DDC: variants seen among roughly 807,000 people sequenced by gnomAD.
DDC encodes the protein dopa decarboxylase, also known as aromatic-L-amino-acid decarboxylase.
Under a neutral mutation model 60.0 loss-of-function variants are expected in DDC, and 43 were observed. The observed-to-expected ratio is 0.72, with a 90% CI of 0.56 to 0.92. The LOEUF (loss-of-function observed/expected upper bound fraction) is 0.92, where lower values mean the gene tolerates loss of function less well. Ranked by LOEUF, DDC falls within the 40% of genes least tolerant of loss-of-function variation. The probability of loss-of-function intolerance (pLI) is 0.00; values close to 1 mark genes in which losing one functional copy is unlikely to be tolerated. For missense variants in DDC, 573 were observed against 620.2 expected, an observed-to-expected ratio of 0.92 and a Z score of 0.81; for synonymous variants, 232 against 234.6, an observed-to-expected ratio of 0.99 and a Z score of 0.10.
intron 14 of DDC, among the ~76,000 whole-genome samples, chr7:50,462,427 T>G (rs2153532792): frequency 6.6e-6 from 1 of 151,940 alleles, no homozygotes; most frequent in Middle Eastern, 3.4e-3. Flanking sequence ...AACTGCATGC[T>G]GTCTCCAGGG....
chr7:50,518,188 G>A (rs553637571), intron 6 of DDC, among the ~76,000 whole-genome samples: 1 of 148,692 alleles, frequency 6.7e-6, no homozygotes, highest in Admixed American at 6.7e-5. Flanking sequence ...CTCCACCCTG[G>A]GTGACAGAGC....
At chr7:50,492,686 T>C (rs1387892598) in intron 9 of DDC, 5 of 1,342,668 alleles carry the variant, frequency 3.7e-6, no homozygotes, top group Admixed American at 6.2e-5. Flanking sequence ...ACAAGGAAAT[T>C]TTCCAAATGG....
rs750064495 is a variant in DDC, at chr7:50,544,130, A to G, written c.-28-17T>C. The G allele has an allele frequency of 1.9e-5, 31 of 1,596,152 alleles. No homozygotes were observed. In the East Asian group the frequency reaches 6.7e-4, roughly 34 times the overall value. On this transcript the variant is annotated splice_polypyrimidine_tract_variant and intron_variant, in intron 1 of 14. Coordinates refer to ENST00000444124, the MANE Select transcript of DDC (RefSeq NM_001082971.2). ...AGGTGAAAACTGCAGAAAGAAAATGATTCAGTGAGCAAATTTTGCAACCTC... is the reference window on the plus strand; with the variant it reads ...AGGTGAAAACTGCAGAAAGAAAATGGTTCAGTGAGCAAATTTTGCAACCTC...
At chr7:50,459,248 T>TCAC (rs2042194767) in intron 14 of DDC, among the ~76,000 whole-genome samples, 1 of 152,200 alleles carries the variant, frequency 6.6e-6, no homozygotes. Context: ...CGGAGTCTGG[T>TCAC]TCACTCAGTG....
At chr7:50,483,582 A>G (rs1464790162) in intron 9 of DDC, among the ~76,000 whole-genome samples, 1 of 152,116 alleles carries the variant, frequency 6.6e-6, no homozygotes, top group Non-Finnish European at 1.5e-5. Context: ...AGTTTCCTGC[A>G]GTTTAGGATA....
intron 6 of DDC, among the ~76,000 whole-genome samples, chr7:50,512,835 G>A (rs754147485): frequency 6.6e-6 from 1 of 152,196 alleles, no homozygotes; most frequent in Non-Finnish European, 1.5e-5. Flanking sequence ...TACAGACAGT[G>A]TGAAGACTTG....
At chr7:50,524,678 T>C (rs1325324551) in intron 6 of DDC, among the ~76,000 whole-genome samples, 1 of 152,188 alleles carries the variant, frequency 6.6e-6, no homozygotes, top group Admixed American at 6.5e-5. Flanking sequence ...CAAATGCTGG[T>C]AAGGATGTAT....
chr7:50,467,412 A>G, intron 12 of DDC, 97 bp from the exon 13 acceptor site: 1 of 1,005,620 alleles, frequency 9.9e-7, no homozygotes, highest in Non-Finnish European at 1.6e-6. Context: ...TGTATAATTC[A>G]TTTAGACGCT....
At position 50,470,056 on chromosome 7, in the gene DDC, A is replaced by G. The variant is rs754863124; in HGVS notation, c.1140+17T>C. 2 of 1,511,916 alleles carry G rather than the reference A, an allele frequency of 1.3e-6. No individual in the cohort carries two copies. The highest frequency in any genetic ancestry group is 1.8e-6 in the Non-Finnish European group (2 of 1,086,758). The allele number at this position is 1,511,916 out of a possible 1,614,324, so 93.7% of individuals were successfully genotyped here. A position where few individuals can be genotyped will look rare whatever the true frequency, so the allele number is the denominator to read the frequency against. On this transcript the variant is annotated intron_variant, in intron 12 of 14. Transcript: ENST00000444124. The stretch of plus-strand genomic sequence containing the variant: ...CCTCCGCAATTTTACCGTGATAAAT[A>G]ATAAAAACAAAGTCACCTTGCGGAT...
intron 1 of DDC, among the ~76,000 whole-genome samples, chr7:50,554,687 T>G (rs1275772094): frequency 1.3e-5 from 2 of 152,236 alleles, no homozygotes; most frequent in Non-Finnish European, 2.9e-5. Flanking sequence ...TGCTCAGGCC[T>G]ACTTTCCATA....
intron 11 of DDC, 152 bp from the exon 12 acceptor site, chr7:50,470,323 G>A (rs1585141584): frequency 2.8e-6 from 2 of 708,198 alleles, no homozygotes; most frequent in Admixed American, 2.0e-5. Context: ...GGATGGCAGG[G>A]CCCTCGGTGA....
intron 10 of DDC, among the ~76,000 whole-genome samples, chr7:50,478,071 G>A (rs1331074561): frequency 6.6e-6 from 1 of 151,916 alleles, no homozygotes; most frequent in African/African-American, 2.4e-5. Context: ...AAATTATCTG[G>A]GCCTTGTGCT....
intron 6 of DDC, among the ~76,000 whole-genome samples, chr7:50,520,651 T>A (rs994758535): frequency 6.6e-6 from 1 of 152,182 alleles, no homozygotes; most frequent in Admixed American, 6.6e-5. Context: ...CAGTGGCTCA[T>A]GCCTGTAATC....
At chr7:50,536,565 G>A (rs555546160) in intron 4 of DDC, among the ~76,000 whole-genome samples, 1 of 152,362 alleles carries the variant, frequency 6.6e-6, no homozygotes, top group Non-Finnish European at 1.5e-5. Context: ...GAAGTCAGAA[G>A]AGGCAAGGAA....
intron 8 of DDC, among the ~76,000 whole-genome samples, chr7:50,497,055 C>T (rs1295288383): frequency 6.6e-6 from 1 of 152,164 alleles, no homozygotes; most frequent in Admixed American, 6.5e-5. Flanking sequence ...TATGAGTTCC[C>T]TCCTATGGGG....
At chr7:50,521,882 A>C (rs1341992292) in intron 6 of DDC, among the ~76,000 whole-genome samples, 1 of 152,206 alleles carries the variant, frequency 6.6e-6, no homozygotes, top group African/African-American at 2.4e-5. Context: ...TGAGGCAAGG[A>C]TGTCTGTTCT....
chr7:50,496,095 CT>C lies in DDC; in HGVS notation c.877-679del, dbSNP rs112532220. ...CTCATTTACCTAAATGCTTCTCTCT[CT>C]TTTTTTTTTTTTGAGCGACAGGGTC... On this transcript the variant is annotated intron_variant, in intron 8 of 14. Transcript: ENST00000444124. 4.5e-3 allele frequency among the ~76,000 whole-genome samples: 658 copies of C among 146,422 alleles called. 2 individuals are homozygous for C. Among genetic ancestry groups the C allele is most frequent in the African/African-American group, 0.01 (419 of 40,164 alleles).
chr7:50,517,370 C>T (rs1420470437), intron 6 of DDC, among the ~76,000 whole-genome samples: 1 of 152,100 alleles, frequency 6.6e-6, no homozygotes, highest in African/African-American at 2.4e-5. Context: ...CTGACAAAAC[C>T]CAGTATTCCT....
intron 9 of DDC, among the ~76,000 whole-genome samples, chr7:50,484,660 C>T (rs2042843328): frequency 6.6e-6 from 1 of 152,158 alleles, no homozygotes; most frequent in Non-Finnish European, 1.5e-5. Context: ...CATGGGCACA[C>T]ACACACACAG....
Sources: allele counts gnomAD v4.1 joint callset (sites outside exome capture counted in the v4.1 genomes callset), GRCh38; gene constraint gnomAD v4.1.1; transcripts MANE v1.5; gene names NCBI Gene and HGNC (gene_info 2026-07-23, HGNC 2026-07-21).